The following GABBR1 variants were observed in gnomAD, a reference collection of about 807,000 sequenced individuals.
GABBR1 encodes the protein gamma-aminobutyric acid type B receptor subunit 1, also known as GABA-B receptor, R1 subunit.
In GABBR1, 35 loss-of-function variants were observed where a neutral mutation model predicts 117.7. That is an observed-to-expected ratio of 0.30 (90% CI 0.23 to 0.39). The LOEUF is 0.39. GABBR1 is among the 10% of genes least tolerant of loss of function. The pLI is 1.00. For missense variants in GABBR1, 709 were observed against 1,241.8 expected, an observed-to-expected ratio of 0.57 and a Z score of 6.45; for synonymous variants, 442 against 486.6, an observed-to-expected ratio of 0.91 and a Z score of 1.21.
chr6:29,607,227 GA>G lies in GABBR1; in HGVS notation c.1993-10del. 1.9e-6 allele frequency: 3 copies of G among 1,608,506 alleles called. No individual in the cohort carries two copies. The South Asian group carries it at 3.3e-5, about 18-fold the overall frequency. On this transcript the variant is annotated splice_polypyrimidine_tract_variant and intron_variant, in intron 16 of 22. Coordinates refer to ENST00000377034, the MANE Select transcript of GABBR1 (RefSeq NM_001470.4). The surrounding 1 kb of genome is among the most constrained non-coding windows in gnomAD (Gnocchi z 5.0). ...AGGAGCCAGAGGCGGGCCTAGAAAG[GA>G]AGAGAGGGCACAGGCAGAACAGGGT...
intron 11 of GABBR1, among the ~76,000 whole-genome samples, chr6:29,616,246 C>G (rs1235745195): frequency 1.3e-5 from 2 of 150,468 alleles, no homozygotes; most frequent in East Asian, 3.9e-4. Context: ...GGTGGGCTCC[C>G]GTAATCCCAG....
chr6:29,603,537 C>A lies in GABBR1; in HGVS notation c.*6G>T. 6.4e-7 allele frequency: 1 copy of A among 1,558,830 alleles called. No individual in the cohort carries two copies. Among genetic ancestry groups the A allele is most frequent in the Non-Finnish European group, 8.7e-7 (1 of 1,152,352 alleles). ...CCCTACTGGCCTGTCCTCCCTCACC[C>A]TACCCTCACTTATAAAGCAAATGCA... On this transcript the variant is annotated 3_prime_UTR_variant, in exon 23 of 23. Coordinates refer to ENST00000377034, the MANE Select transcript of GABBR1 (RefSeq NM_001470.4).
At chr6:29,618,711 A>G (rs1182911005) in intron 11 of GABBR1, among the ~76,000 whole-genome samples, 3 of 151,942 alleles carry the variant, frequency 2.0e-5, no homozygotes, top group Non-Finnish European at 4.4e-5. Flanking sequence ...AACCACTCTA[A>G]CCCACTCTCC....
In GABBR1 at chr6:29,613,109, C is replaced by T. The variant is rs137981913; in HGVS notation, c.1566+134G>A. On this transcript the variant is annotated intron_variant, in intron 12 of 22. Coordinates refer to ENST00000377034, the MANE Select transcript of GABBR1 (RefSeq NM_001470.4). This position sits in a 1 kb window ranked among gnomAD's most constrained non-coding sequence, Gnocchi z 4.1. The stretch of plus-strand genomic sequence containing the variant: ...GGTTCTTCTAATTTGAAGGTCCCTA[C>T]TTCTCTGGTCGGAGACTGATTCTGC... 3.1e-3 allele frequency: 2,997 copies of T among 981,476 alleles called. 109 individuals carry two copies. In the South Asian group the frequency reaches 0.044, roughly 14 times the overall value. 60.8% of individuals were successfully genotyped at this position (981,476 alleles called of 1,614,324 possible). A position where few individuals can be genotyped will look rare whatever the true frequency, so the allele number is the denominator to read the frequency against.
rs1462868763 is a variant in GABBR1 at position 29,630,441 on chromosome 6, G to A, written c.475+17C>T. On this transcript the variant is annotated intron_variant, in intron 4 of 22. Coordinates refer to ENST00000377034, the MANE Select transcript of GABBR1 (RefSeq NM_001470.4). The surrounding 1 kb of genome is among the most constrained non-coding windows in gnomAD (Gnocchi z 4.9). ...AAGCGTCCTCATCAGCTGCATGCAG[G>A]CAGCTGTTCCCCTCACCCTGGCAGT... 1 of 1,602,718 alleles carries A rather than the reference G, an allele frequency of 6.2e-7. No individual in the cohort carries two copies. The highest frequency in any genetic ancestry group is 1.7e-5 in the Admixed American group (1 of 59,840).
Position 29,630,436 on chromosome 6 carries a change from T to G in GABBR1, c.475+22A>C, listed in dbSNP as rs1282870190. On this transcript the variant is annotated intron_variant, in intron 4 of 22. Coordinates refer to ENST00000377034, the MANE Select transcript of GABBR1 (RefSeq NM_001470.4). The surrounding 1 kb of genome is among the most constrained non-coding windows in gnomAD (Gnocchi z 4.9). ...CACACAAGCGTCCTCATCAGCTGCA[T>G]GCAGGCAGCTGTTCCCCTCACCCTG... The G allele has an allele frequency of 6.2e-7, 1 of 1,601,600 alleles. No individual in the cohort carries two copies. The highest frequency in any genetic ancestry group is 1.1e-5 in the South Asian group (1 of 90,894).
chr6:29,614,861 G>C (rs950721551), intron 11 of GABBR1, among the ~76,000 whole-genome samples: 20 of 151,162 alleles, frequency 1.3e-4, no homozygotes, highest in African/African-American at 4.6e-4. Flanking sequence ...AGGTTCATCA[G>C]TTGTAACAAA....
At chr6:29,608,483 G>A in intron 16 of GABBR1, 118 bp downstream of exon 16, 1 of 1,083,512 alleles carries the variant, frequency 9.2e-7, no homozygotes, top group East Asian at 2.4e-5. Context: ...GGAAAGAACA[G>A]GGACAAGAGT....
chr6:29,609,082 TC>T lies in GABBR1; in HGVS notation c.1859+146del, dbSNP rs1347080158. 1 of 806,524 alleles carries T rather than the reference TC, an allele frequency of 1.2e-6. No individual in the cohort carries two copies. Among genetic ancestry groups the T allele is most frequent in the Non-Finnish European group, 1.9e-6 (1 of 516,512 alleles). 50.0% of individuals were successfully genotyped at this position (806,524 alleles called of 1,614,324 possible). ...GTAGGAGTGGGGGTTATATCTGGTT[TC>T]CCTGTTTTCATTCTCAACAAGTCAG... On this transcript the variant is annotated intron_variant, in intron 15 of 22. Transcript: ENST00000377034. The surrounding 1 kb of genome is among the most constrained non-coding windows in gnomAD (Gnocchi z 4.3).
At chr6:29,603,834 G>T in intron 22 of GABBR1, 118 bp from the exon 23 acceptor site, 1 of 623,120 alleles carries the variant, frequency 1.6e-6, no homozygotes. Context: ...AAATGTAGGG[G>T]GAGGACGTAG....
At chr6:29,617,858 T>G (rs1303183688) in intron 11 of GABBR1, among the ~76,000 whole-genome samples, 1 of 152,248 alleles carries the variant, frequency 6.6e-6, no homozygotes. Flanking sequence ...GTGGCTAACA[T>G]GTATACAGTC....
At position 29,612,591 on chromosome 6, in the gene GABBR1, G is replaced by A. The variant is rs759815319; in HGVS notation, c.1590C>T (p.Ser530=). ...TAAGCGTCCATGCCATCCGAGAGCC[G>A]CTGGCATCAAACACCACATGGCCCT... ...GVSGHVVFDA[S]GSRMAWTLIE... The change falls in exon 13 of 23, where the codon AGC becomes AGT. Residue 530 remains serine (S), a synonymous_variant. Coordinates refer to ENST00000377034, the MANE Select transcript of GABBR1 (RefSeq NM_001470.4). 7 of 1,613,820 alleles carry A rather than the reference G, an allele frequency of 4.3e-6. No individual in the cohort carries two copies. Among genetic ancestry groups the A allele is most frequent in the African/African-American group, 2.7e-5 (2 of 74,862 alleles).
Position 29,613,537 on chromosome 6 carries a change from G to A in GABBR1, c.1324-52C>T. On this transcript the variant is annotated intron_variant, in intron 11 of 22. Transcript: ENST00000377034. This position sits in a 1 kb window ranked among gnomAD's most constrained non-coding sequence, Gnocchi z 4.1. ...GAACTGAAATGTGTGTGGGTGTGGG[G>A]GAAGGGGTGCAATCCAATTCTGACT... 4 of 1,585,042 alleles carry A rather than the reference G, an allele frequency of 2.5e-6. No individual in the cohort carries two copies. The highest frequency in any genetic ancestry group is 3.4e-6 in the Non-Finnish European group (4 of 1,162,940).
At chr6:29,629,167 C>T (rs1347490372) in intron 4 of GABBR1, 60 bp from the exon 5 acceptor site, 1 of 1,595,194 alleles carries the variant, frequency 6.3e-7, no homozygotes, top group Non-Finnish European at 8.6e-7. Context: ...GCTTCCCTGG[C>T]CTGATCCCCA....
chr6:29,615,614 A>AAAAAG (rs1454248419), intron 11 of GABBR1, among the ~76,000 whole-genome samples: 1 of 151,540 alleles, frequency 6.6e-6, no homozygotes, highest in Non-Finnish European at 1.5e-5. Context: ...GCCTTTAAAA[A>AAAAAG]AAAAAAAAAA....
Position 29,605,291 on chromosome 6 carries a change from A to C in GABBR1, c.2439+278T>G, listed in dbSNP as rs1761834488. On this transcript the variant is annotated intron_variant, in intron 20 of 22. Coordinates refer to ENST00000377034, the MANE Select transcript of GABBR1 (RefSeq NM_001470.4). The surrounding 1 kb of genome is among the most constrained non-coding windows in gnomAD (Gnocchi z 4.2). ...AAATGTCAATAGAGTCCAGCCCATTAACCACAGACAAGCAATTTAACGTCT... is the reference window on the plus strand; with the variant it reads ...AAATGTCAATAGAGTCCAGCCCATTCACCACAGACAAGCAATTTAACGTCT... The C allele has an allele frequency of 5.3e-6, 3 of 562,920 alleles. No individual in the cohort carries two copies. The highest frequency in any genetic ancestry group is 9.3e-6 in the Non-Finnish European group (3 of 322,112). 34.9% of individuals were successfully genotyped at this position (562,920 alleles called of 1,614,324 possible).
rs756994299 is a variant in GABBR1, at chr6:29,631,397, AC to A, written c.287del (p.Cys96LeufsTer10). On this transcript the variant is annotated frameshift_variant and splice_region_variant, in exon 3 of 23. Coordinates refer to ENST00000377034, the MANE Select transcript of GABBR1 (RefSeq NM_001470.4). LOFTEE classifies it high-confidence loss of function. The surrounding 1 kb of genome is among the most constrained non-coding windows in gnomAD (Gnocchi z 5.9). ...GGAGGGGCTTCCGAGGCTACTCACC[AC>A]AGCGGCTGGGTGTGTCCATATCTGT... ...SWTDMDTPSRCVRICSKSYLT... is the reference protein window; with the variant it reads ...SWTDMDTPSRXVRICSKSYLT... 1.2e-6 allele frequency: 2 copies of A among 1,614,038 alleles called. No individual in the cohort carries two copies. The highest frequency in any genetic ancestry group is 2.7e-5 in the African/African-American group (2 of 75,062).
At position 29,602,920 on chromosome 6, in the gene GABBR1, A is replaced by G. The variant is rs191479688; in HGVS notation, c.*623T>C. On this transcript the variant is annotated 3_prime_UTR_variant, in exon 23 of 23. Transcript: ENST00000377034. ...AGCGTGTGTACACATGAGCATGTTC[A>G]GTGGGCACACGCAGGAGAGGGGAGG... 920 of 439,730 alleles carry G rather than the reference A, an allele frequency of 2.1e-3. 4 individuals carry two copies. The highest frequency in any genetic ancestry group is 0.013 in the African/African-American group (627 of 49,414). The allele number at this position is 439,730 out of a possible 1,614,324, so 27.2% of individuals were successfully genotyped here.
rs1056682208 is a variant in GABBR1, at chr6:29,602,482, T to A, written c.*1061A>T. ...AAAAGGGAGCAGTCTTGGGAGAAGA[T>A]GATTGTGAGTGTAGACTGAGGGTAG... On this transcript the variant is annotated 3_prime_UTR_variant, in exon 23 of 23. Transcript: ENST00000377034. The A allele has an allele frequency of 1.9e-5, 3 of 156,634 alleles. No individual in the cohort carries two copies. Among genetic ancestry groups the A allele is most frequent in the East Asian group, 3.8e-4 (2 of 5,262 alleles). 9.7% of individuals were successfully genotyped at this position (156,634 alleles called of 1,614,324 possible).
Sources: allele counts gnomAD v4.1 joint callset (sites outside exome capture counted in the v4.1 genomes callset), GRCh38; gene constraint gnomAD v4.1.1; non-coding constraint Gnocchi (gnomAD v3.1); transcripts MANE v1.5; gene names NCBI Gene and HGNC (gene_info 2026-07-23, HGNC 2026-07-21).